C10orf53: variants seen among roughly 807,000 people sequenced by gnomAD.
C10orf53 encodes chromosome 10 open reading frame 53.
In C10orf53, 8 loss-of-function variants were observed where a neutral mutation model predicts 9.4. The observed-to-expected ratio is 0.85, with a 90% confidence interval of 0.50 to 1.53. The LOEUF (loss-of-function observed/expected upper bound fraction) is 1.53. Among genes scored for constraint, C10orf53 ranks in the 40% most tolerant of loss-of-function variants. The probability of loss-of-function intolerance (pLI) is 0.00; values close to 1 mark genes in which losing one functional copy is unlikely to be tolerated. For missense variants in C10orf53, 117 were observed against 117.8 expected, an observed-to-expected ratio of 0.99 and a Z score of 0.03; for synonymous variants, 48 against 46.0, an observed-to-expected ratio of 1.04 and a Z score of -0.18.
intron 1 of C10orf53, among the ~76,000 whole-genome samples, chr10:49,688,910 A>G (rs1294159806): frequency 6.6e-6 from 1 of 151,322 alleles, no homozygotes; most frequent in African/African-American, 2.4e-5. Flanking sequence ...TTCCCTCCTT[A>G]TTTCTTCTTC....
chr10:49,699,507 T>TA (rs574501373), downstream of C10orf53, among the ~76,000 whole-genome samples: 23 of 149,632 alleles, frequency 1.5e-4, no homozygotes, highest in Non-Finnish European at 2.1e-4. Flanking sequence ...GTGGCTCAAT[T>TA]AAAAAAAAAA....
chr10:49,702,128 C>T (rs940731657), downstream of C10orf53, among the ~76,000 whole-genome samples: 1 of 150,892 alleles, frequency 6.6e-6, no homozygotes, highest in Non-Finnish European at 1.5e-5. Context: ...ATCCAGGAGG[C>T]GGAGATTGCA....
chr10:49,690,715 C>T (rs1359758228), intron 1 of C10orf53, among the ~76,000 whole-genome samples: 1 of 152,178 alleles, frequency 6.6e-6, no homozygotes, highest in African/African-American at 2.4e-5. Context: ...ACTCAAAGGG[C>T]TTGGAAGGAA....
At chr10:49,687,346 C>T (rs753428422) in intron 1 of C10orf53, among the ~76,000 whole-genome samples, 1 of 152,136 alleles carries the variant, frequency 6.6e-6, no homozygotes, top group Non-Finnish European at 1.5e-5. Flanking sequence ...GGGGAAACTC[C>T]CCATCTAGTT....
At chr10:49,706,767 C>T (rs1386590914) in intron 2 of C10orf53, among the ~76,000 whole-genome samples, 1 of 152,194 alleles carries the variant, frequency 6.6e-6, no homozygotes, top group East Asian at 1.9e-4. Context: ...TCAGTTGCCT[C>T]CTCCCTCCAA....
chr10:49,687,733 AG>A (rs1233986788), intron 1 of C10orf53, among the ~76,000 whole-genome samples: 1 of 152,206 alleles, frequency 6.6e-6, no homozygotes, highest in Admixed American at 6.5e-5. Flanking sequence ...GGGGAGGTGC[AG>A]GCAACCTGGG....
downstream of C10orf53, among the ~76,000 whole-genome samples, chr10:49,699,841 G>A (rs949441019): frequency 5.9e-5 from 9 of 152,154 alleles, no homozygotes; most frequent in Admixed American, 3.9e-4. Flanking sequence ...GACCTAAAAA[G>A]CCTGATTGTT....
At chr10:49,692,963 A>C (rs1032404390) in intron 1 of C10orf53, among the ~76,000 whole-genome samples, 1 of 152,210 alleles carries the variant, frequency 6.6e-6, no homozygotes, top group African/African-American at 2.4e-5. Flanking sequence ...AAGAGAAAAA[A>C]GTTTCCCATA....
intron 1 of C10orf53, among the ~76,000 whole-genome samples, chr10:49,688,322 C>A (rs1230733136): frequency 6.6e-6 from 1 of 152,094 alleles, no homozygotes; most frequent in Admixed American, 6.5e-5. Flanking sequence ...TTTGTCAGCT[C>A]TGCCCTCAAA....
intron 2 of C10orf53, 28 bp from the exon 3 acceptor site, chr10:49,694,510 C>T (rs776592651): frequency 1.9e-5 from 30 of 1,613,746 alleles, no homozygotes; most frequent in Middle Eastern, 1.7e-4. Context: ...TAAAGCTAAC[C>T]AAAAGACAAT....
At chr10:49,688,991 C>T (rs1336662032) in intron 1 of C10orf53, among the ~76,000 whole-genome samples, 1 of 152,184 alleles carries the variant, frequency 6.6e-6, no homozygotes, top group Non-Finnish European at 1.5e-5. Flanking sequence ...CACTTGGAGG[C>T]ATGCTTTGAG....
At chr10:49,708,619 A>G in exon 3 of C10orf53, 1 of 1,613,976 alleles carries the variant, frequency 6.2e-7, no homozygotes, top group South Asian at 1.1e-5. Flanking sequence ...CCCTACTGAA[A>G]TCGACAGGAC....
chr10:49,693,931 C>T lies in C10orf53; in HGVS notation c.217+38C>T, dbSNP rs546011474. Reference sequence around the variant, plus strand: ...GCGATGCTTCCAGCCAGCAATTTGCCTCCTCTGAGGAGTCCCTCAATTTCT... The same window carrying T: ...GCGATGCTTCCAGCCAGCAATTTGCTTCCTCTGAGGAGTCCCTCAATTTCT... On this transcript the variant is annotated intron_variant, in intron 2 of 2. Coordinates refer to ENST00000374111, the MANE Select transcript of C10orf53 (RefSeq NM_001042427.3). 7.6e-5 allele frequency: 122 copies of T among 1,613,860 alleles called. No individual in the cohort carries two copies. In the South Asian group the frequency reaches 1.3e-3, roughly 17 times the overall value.
At chr10:49,710,249 A>C in exon 3 of C10orf53, 1 of 152,042 alleles carries the variant, frequency 6.6e-6, no homozygotes, top group East Asian at 1.9e-4. Context: ...TTAATAAAAC[A>C]TGTTGGAAAA....
At chr10:49,687,090 T>A (rs1009502764) in intron 1 of C10orf53, among the ~76,000 whole-genome samples, 5 of 152,236 alleles carry the variant, frequency 3.3e-5, no homozygotes, top group Non-Finnish European at 7.3e-5. Flanking sequence ...CCTTTGACTG[T>A]TTTCCAGAGT....
At chr10:49,690,346 A>T (rs967485843) in intron 1 of C10orf53, among the ~76,000 whole-genome samples, 18 of 152,164 alleles carry the variant, frequency 1.2e-4, no homozygotes, top group Admixed American at 1.2e-3. Context: ...ACCCCCCCAC[A>T]ACTTTAGATC....
At chr10:49,697,812 C>T (rs1242948281), downstream of C10orf53, among the ~76,000 whole-genome samples, 1 of 152,216 alleles carries the variant, frequency 6.6e-6, no homozygotes, top group African/African-American at 2.4e-5. Flanking sequence ...TCCCAAAGTG[C>T]TGGGATTACA....
At chr10:49,698,294 A>C (rs1262347), downstream of C10orf53, among the ~76,000 whole-genome samples, 143,402 of 152,110 alleles carry the variant, frequency 0.94, 67,996 homozygotes, top group Non-Finnish European at 0.99. Flanking sequence ...TCTCAACAAA[A>C]AAACAAAAAA....
chr10:49,679,845 C>A, intron 1 of C10orf53, 51 bp downstream of exon 1: 1 of 1,483,462 alleles, frequency 6.7e-7, no homozygotes, highest in East Asian at 2.6e-5. Flanking sequence ...TCTGAGCATC[C>A]GTGCAGGTGG....
Sources: gnomAD v4.1 joint callset for allele counts (sites outside exome capture counted in the v4.1 genomes callset) on GRCh38, gnomAD v4.1.1 for gene constraint, MANE v1.5 for transcripts, NCBI Gene and HGNC (gene_info 2026-07-23, HGNC 2026-07-21) for gene names.